The following NFATC1 variants were observed in gnomAD, a reference collection of about 807,000 sequenced individuals.
NFATC1 encodes the protein nuclear factor of activated T cells 1.
NFATC1 carries 22 observed loss-of-function variants against 76.0 expected under a neutral mutation model. The observed-to-expected ratio is 0.29, with a 90% CI of 0.21 to 0.41. The LOEUF (loss-of-function observed/expected upper bound fraction) is 0.41, where lower values mean the gene tolerates loss of function less well. Among genes scored for constraint, NFATC1 ranks in the 10% least tolerant of loss-of-function variants. NFATC1 has a pLI of 1.00. For missense variants in NFATC1, 1,357 were observed against 1,337.7 expected (o/e 1.01, Z -0.23); for synonymous variants, 704 against 613.1 (o/e 1.15, Z -2.19).
intron 6 of NFATC1, among the ~76,000 whole-genome samples, chr18:79,456,421 A>AGGG (rs895933625): frequency 5.3e-5 from 8 of 152,296 alleles, no homozygotes; most frequent in Admixed American, 5.2e-4. Context: ...CTTCAAGGCC[A>AGGG]GGGGGAGGTT....
intron 8 of NFATC1, among the ~76,000 whole-genome samples, chr18:79,481,494 G>A (rs553009176): frequency 1.3e-3 from 204 of 152,362 alleles, no homozygotes; most frequent in African/African-American, 4.6e-3. Context: ...CCCCTGACTT[G>A]CACAGGCAGT....
chr18:79,403,222 C>T lies in NFATC1; in HGVS notation c.127+6871C>T, dbSNP rs559202952. The stretch of plus-strand genomic sequence containing the variant: ...AGGTCCAGGCTGCGGGCACAGGTCC[C>T]GCGTCTTCACGGGGTGCTTTGAGGG... On this transcript the variant is annotated intron_variant, in intron 1 of 9. Coordinates refer to ENST00000427363, the MANE Select transcript of NFATC1 (RefSeq NM_001278669.2). Among the ~76,000 whole-genome samples, 5 of 152,372 alleles carry T rather than the reference C, an allele frequency of 3.3e-5. No homozygotes were observed. The East Asian group carries it at 5.8e-4, about 18-fold the overall frequency.
At chr18:79,419,747 G>A (rs1467024444) in intron 2 of NFATC1, among the ~76,000 whole-genome samples, 1 of 152,216 alleles carries the variant, frequency 6.6e-6, no homozygotes, top group Non-Finnish European at 1.5e-5. Context: ...TTGCTCCTGC[G>A]CCAACGTTGG....
intron 3 of NFATC1, among the ~76,000 whole-genome samples, chr18:79,440,281 C>T (rs908211063): frequency 3.3e-5 from 5 of 152,264 alleles, no homozygotes; most frequent in Non-Finnish European, 7.3e-5. Context: ...CCTAATAGCG[C>T]AGAAGGGCCT....
rs925575002 is a variant in NFATC1 at position 79,486,877 on chromosome 18, C to T, written c.2722C>T (p.Pro908Ser). 5.6e-6 allele frequency: 9 copies of T among 1,611,252 alleles called. No homozygotes were observed. The highest frequency in any genetic ancestry group is 7.6e-6 in the Non-Finnish European group (9 of 1,179,268). ...VHEDGSPNLA[P>S]IPVTVKREPE... ...TGAGGACGGTAGTCCTAATTTGGCCCCTATTCCTGTAACGGTCAAGCGAGA... is the reference window on the plus strand; with the variant it reads ...TGAGGACGGTAGTCCTAATTTGGCCTCTATTCCTGTAACGGTCAAGCGAGA... Residue 908 changes from proline to serine, a missense_variant, in exon 9 of 10, where the codon CCT becomes TCT. Around this residue, in one of 3 missense-constraint regions of NFATC1, gnomAD observed 424 missense variants for 395.4 expected, o/e 1.07. Coordinates refer to ENST00000427363, the MANE Select transcript of NFATC1 (RefSeq NM_001278669.2).
chr18:79,488,768 C>T (rs1027904487), intron 9 of NFATC1, among the ~76,000 whole-genome samples: 3 of 152,288 alleles, frequency 2.0e-5, no homozygotes, highest in Non-Finnish European at 2.9e-5. Flanking sequence ...GGTCCCAAGG[C>T]GGCTGGGAGA....
At position 79,486,516 on chromosome 18, in the gene NFATC1, C is replaced by G; in HGVS notation, c.2361C>G (p.His787Gln). ...GCGTTGCCAGCCCGGGCCACTGTCA[C>G]CTCGGACTCCCGCAGCCGGCCGGAG... ...TKGVASPGHCHLGLPQPAGEA... is the reference protein window; with the variant it reads ...TKGVASPGHCQLGLPQPAGEA... Residue 787 changes from histidine to glutamine, a missense_variant, in exon 9 of 10, where the codon CAC becomes CAG. Transcript: ENST00000427363. 2 of 1,602,232 alleles carry G rather than the reference C, an allele frequency of 1.2e-6. No individual in the cohort carries two copies. Among genetic ancestry groups the G allele is most frequent in the Non-Finnish European group, 8.5e-7 (1 of 1,178,988 alleles).
At chr18:79,520,599 G>C (rs1476356190) in intron 9 of NFATC1, among the ~76,000 whole-genome samples, 1 of 133,604 alleles carries the variant, frequency 7.5e-6, no homozygotes, top group Non-Finnish European at 1.6e-5. Flanking sequence ...TGATGTGTGT[G>C]TCTGTGTGTG....
intron 6 of NFATC1, among the ~76,000 whole-genome samples, chr18:79,455,615 G>T (rs536163131): frequency 2.6e-5 from 4 of 152,298 alleles, no homozygotes; most frequent in African/African-American, 9.6e-5. Flanking sequence ...GGCCTGCACG[G>T]TGGGAGCGAG....
chr18:79,436,734 G>A (rs939836334), intron 3 of NFATC1, among the ~76,000 whole-genome samples: 1 of 151,994 alleles, frequency 6.6e-6, no homozygotes, highest in Non-Finnish European at 1.5e-5. Context: ...GGGGCGTGAG[G>A]GGGTCCGGCA....
rs373191136 is a variant in NFATC1 at position 79,401,376 on chromosome 18, G to A, written c.127+5025G>A. ...TCTCTTTTAAAAACTCCAACGTCTT[G>A]ATCATTTTTTGAAAATAAGCGCTCC... On this transcript the variant is annotated intron_variant, in intron 1 of 9. Transcript: ENST00000427363. 1.3e-4 allele frequency among the ~76,000 whole-genome samples: 20 copies of A among 152,300 alleles called. No individual in the cohort carries two copies. The East Asian group carries it at 2.9e-3, about 22-fold the overall frequency.
At chr18:79,400,521 C>A in intron 1 of NFATC1, 2 of 1,367,992 alleles carry the variant, frequency 1.5e-6, no homozygotes, top group South Asian at 1.7e-5. Flanking sequence ...GGGGCCAGGT[C>A]GGGGTTTGGG....
At chr18:79,495,159 G>T (rs1287363054) in intron 9 of NFATC1, among the ~76,000 whole-genome samples, 1 of 152,282 alleles carries the variant, frequency 6.6e-6, no homozygotes, top group Non-Finnish European at 1.5e-5. Flanking sequence ...CCGTGTGGGT[G>T]CTGTTGCAGG....
At chr18:79,474,722 GCTCA>G (rs1415409731) in intron 8 of NFATC1, among the ~76,000 whole-genome samples, 18 of 142,256 alleles carry the variant, frequency 1.3e-4, no homozygotes, top group African/African-American at 4.0e-4. Flanking sequence ...GTGTTCTCAC[GCTCA>G]CTGTCGACAT....
chr18:79,483,407 GT>G (rs776250191), intron 8 of NFATC1, among the ~76,000 whole-genome samples: 37 of 123,530 alleles, frequency 3.0e-4, no homozygotes, highest in South Asian at 7.4e-4. Context: ...GCATGACCTG[GT>G]TCGTGGGGTG....
chr18:79,419,965 T>C (rs1033764399), intron 2 of NFATC1, among the ~76,000 whole-genome samples: 1 of 152,264 alleles, frequency 6.6e-6, no homozygotes, highest in Admixed American at 6.5e-5. Context: ...TTCTTTTTTA[T>C]AAGTGCTTCT....
At chr18:79,509,511 C>T (rs779602328) in intron 9 of NFATC1, among the ~76,000 whole-genome samples, 10 of 152,254 alleles carry the variant, frequency 6.6e-5, no homozygotes, top group African/African-American at 9.6e-5. Flanking sequence ...CTCAGACGCC[C>T]GCGCAGTGCC....
intron 9 of NFATC1, among the ~76,000 whole-genome samples, chr18:79,514,100 C>T (rs1026975274): frequency 2.0e-5 from 3 of 152,024 alleles, no homozygotes; most frequent in Non-Finnish European, 4.4e-5. Context: ...CAGGTGTGGC[C>T]GCAGGGATTG....
intron 2 of NFATC1, among the ~76,000 whole-genome samples, chr18:79,424,543 C>T (rs1568942908): frequency 1.3e-5 from 2 of 151,890 alleles, no homozygotes; most frequent in African/African-American, 4.8e-5. Flanking sequence ...CCCTGTCTCT[C>T]TCTCTGTCTC....
Sources: gnomAD v4.1 joint callset for allele counts (sites outside exome capture counted in the v4.1 genomes callset) on GRCh38, gnomAD v4.1.1 for gene constraint, gnomAD v4.1.1 regional missense constraint, MANE v1.5 for transcripts, NCBI Gene and HGNC (gene_info 2026-07-23, HGNC 2026-07-21) for gene names.